Variants in CDH9 observed in about 807,000 individuals in gnomAD.
CDH9 encodes the protein cadherin 9.
In CDH9, 28 loss-of-function variants were observed where a neutral mutation model predicts 70.9. The observed-to-expected ratio is 0.40, with a 90% CI of 0.29 to 0.54. CDH9 has a LOEUF of 0.54. Ranked by LOEUF, CDH9 falls within the 20% of genes least tolerant of loss-of-function variation. The pLI, the probability that CDH9 is intolerant of heterozygous loss-of-function variation, is 0.59. For missense variants in CDH9, 874 were observed against 984.4 expected (o/e 0.89, Z 1.50); for synonymous variants, 409 against 343.1 (o/e 1.19, Z -2.12).
At chr5:26,906,494 T>C (rs1416743299) in intron 4 of CDH9, among the ~76,000 whole-genome samples, 1 of 152,132 alleles carries the variant, frequency 6.6e-6, no homozygotes, top group Non-Finnish European at 1.5e-5. Context: ...GTATTTAGTG[T>C]TTCAAATTTA....
chr5:26,956,768 C>A (rs1741953702), intron 2 of CDH9, among the ~76,000 whole-genome samples: 1 of 152,146 alleles, frequency 6.6e-6, no homozygotes, highest in Non-Finnish European at 1.5e-5. Flanking sequence ...TAAGCTAATA[C>A]ATCTCTATTG....
At chr5:27,036,568 A>C (rs1388640029) in intron 1 of CDH9, among the ~76,000 whole-genome samples, 1 of 151,874 alleles carries the variant, frequency 6.6e-6, no homozygotes, top group Non-Finnish European at 1.5e-5. Flanking sequence ...TATCCTAGAA[A>C]AATTATTATC....
Position 26,903,660 on chromosome 5 carries a change from C to T in CDH9, c.976G>A (p.Glu326Lys). The T allele has an allele frequency of 6.2e-7, 1 of 1,607,472 alleles. No individual in the cohort carries two copies. Among genetic ancestry groups the T allele is most frequent in the Non-Finnish European group, 8.5e-7 (1 of 1,174,092 alleles). ...ACCTGTTTGACAGTTATAATCCCTTCCTGTGTATCCTTGTCAGTGATGACA... is the reference window on the plus strand; with the variant it reads ...ACCTGTTTGACAGTTATAATCCCTTTCTGTGTATCCTTGTCAGTGATGACA... ...FDVITDKDTQ[E>K]GIITVKQNLD... The change falls in exon 6 of 12, where the codon GAA becomes AAA. Residue 326 changes from glutamate (E) to lysine (K), a missense_variant. By Grantham distance (56) the Glu-to-Lys change is moderately conservative. Coordinates refer to ENST00000231021, the MANE Select transcript of CDH9 (RefSeq NM_016279.4).
chr5:26,971,845 C>T (rs965280541), intron 2 of CDH9, among the ~76,000 whole-genome samples: 1 of 151,996 alleles, frequency 6.6e-6, no homozygotes, highest in African/African-American at 2.4e-5. Flanking sequence ...ACAGAGACAA[C>T]AACCACTGAC....
chr5:27,027,059 T>C (rs1743232308), intron 1 of CDH9, among the ~76,000 whole-genome samples: 1 of 151,984 alleles, frequency 6.6e-6, no homozygotes, highest in African/African-American at 2.4e-5. Flanking sequence ...AAATAGATTA[T>C]GATATGAGAG....
At chr5:26,881,722 G>A in intron 11 of CDH9, 99 bp from the exon 12 acceptor site, 2 of 1,083,388 alleles carry the variant, frequency 1.8e-6, no homozygotes, top group Non-Finnish European at 2.6e-6. Flanking sequence ...GAGATATTAA[G>A]ATTGATCGAA....
intron 11 of CDH9, among the ~76,000 whole-genome samples, chr5:26,885,300 G>T (rs950381280): frequency 1.3e-5 from 2 of 152,070 alleles, no homozygotes; most frequent in Non-Finnish European, 2.9e-5. Flanking sequence ...ATGCAAAGAT[G>T]AAATCAATGA....
intron 4 of CDH9, 55 bp from the exon 5 acceptor site, chr5:26,906,181 A>C: frequency 6.9e-7 from 1 of 1,458,742 alleles, no homozygotes; most frequent in Non-Finnish European, 9.5e-7. Flanking sequence ...TTTTAAAATT[A>C]AGCTAGACAA....
chr5:26,937,137 G>T (rs1277121705), intron 2 of CDH9, among the ~76,000 whole-genome samples: 1 of 152,068 alleles, frequency 6.6e-6, no homozygotes, highest in Non-Finnish European at 1.5e-5. Context: ...AAACACACAT[G>T]TGGCAAAAGA....
chr5:26,998,117 T>A (rs1396665406), intron 1 of CDH9, among the ~76,000 whole-genome samples: 1 of 152,142 alleles, frequency 6.6e-6, no homozygotes, highest in Non-Finnish European at 1.5e-5. Flanking sequence ...ACACCCAGCA[T>A]ATAAGCATAA....
At chr5:26,982,286 T>C (rs897096586) in intron 2 of CDH9, among the ~76,000 whole-genome samples, 87 of 152,158 alleles carry the variant, frequency 5.7e-4, no homozygotes, top group Non-Finnish European at 1.0e-3. Context: ...GGTAGCCATA[T>C]TAAGAACCAT....
At position 26,890,542 on chromosome 5, in the gene CDH9, C is replaced by T; in HGVS notation, c.1276G>A (p.Asp426Asn). The T allele has an allele frequency of 3.7e-6, 6 of 1,608,144 alleles. No individual in the cohort carries two copies. The highest frequency in any genetic ancestry group is 5.1e-6 in the Non-Finnish European group (6 of 1,174,670). ...LIKYSVDRHT[D>N]MDRIFGIHSE... ...TGAATACCAAAAATACGGTCCATAT[C>T]AGTATGCCGATCAACAGAGTACCTG... Residue 426 changes from aspartate to asparagine, a missense_variant, in exon 8 of 12, where the codon GAT (aspartate) becomes AAT (asparagine). Asp to Asn is a conservative substitution (Grantham distance 23, BLOSUM62 1). Transcript: ENST00000231021.
intron 1 of CDH9, among the ~76,000 whole-genome samples, chr5:27,008,977 G>T (rs900645979): frequency 6.6e-6 from 1 of 152,098 alleles, no homozygotes; most frequent in African/African-American, 2.4e-5. Flanking sequence ...AGGTTACTTT[G>T]TCTAACTTCA....
chr5:27,030,040 T>C (rs187001546), intron 1 of CDH9, among the ~76,000 whole-genome samples: 113 of 152,120 alleles, frequency 7.4e-4, no homozygotes, highest in East Asian at 1.9e-3. Context: ...TACAAGGATA[T>C]CCTTTGCTTT....
chr5:26,936,683 GA>G (rs1236789083), intron 2 of CDH9, among the ~76,000 whole-genome samples: 1 of 152,030 alleles, frequency 6.6e-6, no homozygotes, highest in Non-Finnish European at 1.5e-5. Flanking sequence ...TGGTACTGGT[GA>G]ATAAGTAAAC....
intron 2 of CDH9, among the ~76,000 whole-genome samples, chr5:26,927,682 T>G (rs1741366800): frequency 6.6e-6 from 1 of 152,094 alleles, no homozygotes; most frequent in Non-Finnish European, 1.5e-5. Context: ...CTTAGGATTT[T>G]GCACTAGATT....
chr5:26,977,806 A>G (rs145150718), intron 2 of CDH9, among the ~76,000 whole-genome samples: 10 of 152,234 alleles, frequency 6.6e-5, no homozygotes, highest in African/African-American at 2.4e-4. Flanking sequence ...ACTCAGAGAC[A>G]TTTGAAGCAC....
chr5:26,982,657 C>A (rs1176831940), intron 2 of CDH9, among the ~76,000 whole-genome samples: 4 of 151,912 alleles, frequency 2.6e-5, no homozygotes, highest in Non-Finnish European at 1.5e-5. Context: ...AATAATTCAA[C>A]TTGTGCTATG....
intron 1 of CDH9, among the ~76,000 whole-genome samples, chr5:27,031,845 C>T (rs1743316649): frequency 6.6e-6 from 1 of 151,894 alleles, no homozygotes. Context: ...CAACATTAAT[C>T]TTTGGGTATA....
Sources: allele counts gnomAD v4.1 joint callset (sites outside exome capture counted in the v4.1 genomes callset), GRCh38; gene constraint gnomAD v4.1.1; transcripts MANE v1.5; gene names NCBI Gene and HGNC (gene_info 2026-07-23, HGNC 2026-07-21).